NCOA1: variants seen among roughly 807,000 people sequenced by gnomAD.
The protein encoded by NCOA1 is nuclear receptor coactivator 1, also known as Hin-2 protein.
NCOA1 carries 35 observed loss-of-function variants against 150.9 expected under a neutral mutation model. The observed-to-expected ratio is 0.23, with a 90% CI of 0.18 to 0.31. The LOEUF is 0.31. Among genes scored for constraint, NCOA1 ranks in the 10% least tolerant of loss-of-function variants. The pLI, the probability that NCOA1 is intolerant of heterozygous loss-of-function variation, is 1.00. For missense variants in NCOA1, 1,491 were observed against 1,749.3 expected (o/e 0.85, Z 2.63); for synonymous variants, 590 against 630.0 (o/e 0.94, Z 0.95).
intron 20 of NCOA1, among the ~76,000 whole-genome samples, chr2:24,757,604 T>C (rs1664565189): frequency 6.6e-6 from 1 of 152,052 alleles, no homozygotes; most frequent in Non-Finnish European, 1.5e-5. Flanking sequence ...GATATATATA[T>C]ATATGTATAT....
chr2:24,548,534 G>A (rs200090674), intron 1 of NCOA1, among the ~76,000 whole-genome samples: 5 of 152,146 alleles, frequency 3.3e-5, no homozygotes, highest in Non-Finnish European at 4.4e-5. Flanking sequence ...GCTCATTTCA[G>A]CATTAACTCA....
At position 24,707,331 on chromosome 2, in the gene NCOA1, G is replaced by C. The variant is rs1409999604; in HGVS notation, c.1861G>C (p.Asp621His). Residue 621 changes from aspartate (D) to histidine (H), a missense_variant, in exon 13 of 23, where the codon GAT becomes CAT. Asp to His is a moderately conservative substitution (Grantham distance 81). Transcript: ENST00000348332. ...TCTGCATAACAATGACAGACTTTCA[G>C]ATGGAGACAGTAAATACTCTCAAAC... ...GLLHNNDRLS[D>H]GDSKYSQTSH... The C allele has an allele frequency of 1.2e-6, 2 of 1,614,204 alleles. No individual in the cohort carries two copies. Among genetic ancestry groups the C allele is most frequent in the South Asian group, 1.1e-5 (1 of 91,084 alleles).
At chr2:24,511,040 A>G (rs929370774) in intron 1 of NCOA1, among the ~76,000 whole-genome samples, 7 of 151,932 alleles carry the variant, frequency 4.6e-5, no homozygotes, top group African/African-American at 1.7e-4. Flanking sequence ...CCACTAATCT[A>G]TTTGCTGTCT....
chr2:24,767,992 G>T, intron 22 of NCOA1: 1 of 1,369,182 alleles, frequency 7.3e-7, no homozygotes, highest in Non-Finnish European at 1.0e-6. Context: ...TATAGGAGGC[G>T]TGACCATTCC....
intron 1 of NCOA1, among the ~76,000 whole-genome samples, chr2:24,512,416 G>A (rs546530482): frequency 6.6e-6 from 1 of 152,184 alleles, no homozygotes; most frequent in Admixed American, 6.5e-5. Flanking sequence ...TTAAATGAGA[G>A]CATTATATCC....
In NCOA1 at chr2:24,707,899, G is replaced by T; in HGVS notation, c.2418+11G>T. On this transcript the variant is annotated intron_variant, in intron 13 of 22. Coordinates refer to ENST00000348332, the MANE Select transcript of NCOA1 (RefSeq NM_003743.5). ...GAGGCCCAGAGCCAGGTGGGTAACT[G>T]CTTGCTTCACAGAATGGTCATTCTT... 6.4e-7 allele frequency: 1 copy of T among 1,570,542 alleles called. No homozygotes were observed. Among genetic ancestry groups the T allele is most frequent in the Non-Finnish European group, 8.6e-7 (1 of 1,165,788 alleles).
At chr2:24,700,853 A>G (rs1392279060) in intron 11 of NCOA1, among the ~76,000 whole-genome samples, 1 of 152,212 alleles carries the variant, frequency 6.6e-6, no homozygotes, top group East Asian at 1.9e-4. Context: ...TAAGATGTTT[A>G]CTTACAGAGA....
rs141963010 is a variant in NCOA1 at position 24,674,151 on chromosome 2, G to GTGTGTATA, written c.354+689_354+690insGTGTATAT. Among the ~76,000 whole-genome samples the GTGTGTATA allele has an allele frequency of 4.1e-4, 60 of 145,214 alleles. No individual in the cohort carries two copies. The East Asian group carries it at 9.4e-3, about 23-fold the overall frequency. On this transcript the variant is annotated intron_variant, in intron 7 of 22. Coordinates refer to ENST00000348332, the MANE Select transcript of NCOA1 (RefSeq NM_003743.5). ...TGTGTGTGTGTGTGTGTGTGTGTGT[G>GTGTGTATA]TATATATTTCTATCTCTAGGTCTAA...
Position 24,691,675 on chromosome 2 carries a change from T to C in NCOA1, c.712+15T>C. Reference sequence around the variant, plus strand: ...GGATGGAGAAGGTAAAGCCAAACGGTCTTTTTAAAGTGTTTATTTCTTCTG... The same window carrying C: ...GGATGGAGAAGGTAAAGCCAAACGGCCTTTTTAAAGTGTTTATTTCTTCTG... On this transcript the variant is annotated intron_variant, in intron 9 of 22. Transcript: ENST00000348332. 1 of 1,609,862 alleles carries C rather than the reference T, an allele frequency of 6.2e-7. No individual in the cohort carries two copies. The highest frequency in any genetic ancestry group is 1.1e-5 in the South Asian group (1 of 90,462).
chr2:24,578,199 G>A (rs1018521403), intron 2 of NCOA1, among the ~76,000 whole-genome samples: 12 of 152,136 alleles, frequency 7.9e-5, no homozygotes, highest in Admixed American at 7.9e-4. Context: ...TGTACAGTGA[G>A]CAAGCATAAA....
At chr2:24,542,717 C>T (rs1260479041) in intron 1 of NCOA1, among the ~76,000 whole-genome samples, 1 of 152,132 alleles carries the variant, frequency 6.6e-6, no homozygotes, top group Non-Finnish European at 1.5e-5. Context: ...TACCTTGCTA[C>T]ACTGTCATTG....
rs1367128313 is a variant in NCOA1 at position 24,693,285 on chromosome 2, G to A, written c.746G>A (p.Arg249Gln). The change falls in exon 10 of 23, where the codon CGA becomes CAA. Residue 249 changes from arginine (R) to glutamine (Q), a missense_variant. By Grantham distance (43) the Arg-to-Gln change is conservative (BLOSUM62 1). Around this residue, in one of 8 missense-constraint regions of NCOA1, gnomAD observed 99 missense variants for 122.8 expected, o/e 0.81. Coordinates refer to ENST00000348332, the MANE Select transcript of NCOA1 (RefSeq NM_003743.5). Reference sequence around the variant, plus strand: ...TCATGTCTGATTTGTATTGCACGGCGATTACCTCGGCCTCCAGCTATTACG... The same window carrying A: ...TCATGTCTGATTTGTATTGCACGGCAATTACCTCGGCCTCCAGCTATTACG... ...FQSCLICIAR[R>Q]LPRPPAITGV... The A allele has an allele frequency of 2.5e-6, 4 of 1,614,072 alleles. No homozygotes were observed. Among genetic ancestry groups the A allele is most frequent in the Non-Finnish European group, 3.4e-6 (4 of 1,180,010 alleles).
chr2:24,547,542 T>C (rs1665651311), intron 1 of NCOA1, among the ~76,000 whole-genome samples: 1 of 152,236 alleles, frequency 6.6e-6, no homozygotes, highest in African/African-American at 2.4e-5. Context: ...TAGCAAAGAC[T>C]ATCATAATTT....
intron 1 of NCOA1, among the ~76,000 whole-genome samples, chr2:24,540,239 G>C (rs1212547467): frequency 1.3e-5 from 2 of 152,166 alleles, no homozygotes; most frequent in South Asian, 4.1e-4. Context: ...AAAGTTACTA[G>C]AACAGAGTTC....
chr2:24,536,705 G>C (rs1205008036), intron 1 of NCOA1, among the ~76,000 whole-genome samples: 1 of 152,092 alleles, frequency 6.6e-6, no homozygotes, highest in East Asian at 1.9e-4. Context: ...CTAACACTCA[G>C]GTCCCTCAGC....
At chr2:24,767,557 T>C (rs1025863683) in intron 22 of NCOA1, among the ~76,000 whole-genome samples, 1 of 152,244 alleles carries the variant, frequency 6.6e-6, no homozygotes, top group African/African-American at 2.4e-5. Flanking sequence ...TTCTCAAGGC[T>C]AATAGACGTA....
intron 3 of NCOA1, among the ~76,000 whole-genome samples, chr2:24,629,160 G>A (rs1037218268): frequency 6.6e-5 from 10 of 152,084 alleles, no homozygotes; most frequent in African/African-American, 2.2e-4. Context: ...GCAAATGCAT[G>A]CAGGCCCTTA....
intron 11 of NCOA1, among the ~76,000 whole-genome samples, chr2:24,698,660 A>G (rs1242176152): frequency 6.6e-6 from 1 of 152,318 alleles, no homozygotes; most frequent in Admixed American, 6.5e-5. Flanking sequence ...TTCCAATGAA[A>G]TTTATTCTCT....
chr2:24,585,378 A>G (rs1667358250), intron 3 of NCOA1, among the ~76,000 whole-genome samples: 2 of 152,212 alleles, frequency 1.3e-5, no homozygotes, highest in African/African-American at 2.4e-5. Context: ...TTTTATGTAT[A>G]GAAGTTTTGA....
Sources: allele counts gnomAD v4.1 joint callset (sites outside exome capture counted in the v4.1 genomes callset), GRCh38; gene constraint gnomAD v4.1.1; regional missense constraint gnomAD v4.1.1; transcripts MANE v1.5; gene names NCBI Gene and HGNC (gene_info 2026-07-23, HGNC 2026-07-21).